The following NALCN variants were observed in gnomAD, a reference collection of about 807,000 sequenced individuals.
NALCN encodes the protein sodium leak channel NALCN.
Under a neutral mutation model 225.3 loss-of-function variants are expected in NALCN, and 111 were observed. The observed-to-expected ratio is 0.49, with a 90% confidence interval of 0.42 to 0.58. The LOEUF (loss-of-function observed/expected upper bound fraction) is 0.58, where lower values mean the gene tolerates loss of function less well. Ranked by LOEUF, NALCN falls within the 20% of genes least tolerant of loss-of-function variation. NALCN has a pLI of 0.00. For missense variants in NALCN, 1,378 were observed against 2,202.4 expected, an observed-to-expected ratio of 0.63 and a Z score of 7.49; for synonymous variants, 764 against 769.0, an observed-to-expected ratio of 0.99 and a Z score of 0.11.
At chr13:101,225,988 C>T (rs1055931196) in intron 13 of NALCN, among the ~76,000 whole-genome samples, 4 of 152,124 alleles carry the variant, frequency 2.6e-5, no homozygotes, top group Admixed American at 1.3e-4. Flanking sequence ...CCAAAGAACC[C>T]TCTGACCCTC....
At chr13:101,101,284 T>TC (rs1555381282) in intron 26 of NALCN, among the ~76,000 whole-genome samples, 1 of 140,396 alleles carries the variant, frequency 7.1e-6, no homozygotes, top group African/African-American at 2.6e-5. Flanking sequence ...TTTTTTTCTT[T>TC]TTTTTTTTTT....
chr13:101,278,871 T>G (rs1159016210), intron 10 of NALCN, among the ~76,000 whole-genome samples: 1 of 152,184 alleles, frequency 6.6e-6, no homozygotes, highest in Non-Finnish European at 1.5e-5. Context: ...ATTGCCACAG[T>G]CTATTCAATT....
chr13:101,130,864 T>C (rs975610628), intron 17 of NALCN, among the ~76,000 whole-genome samples: 16 of 152,194 alleles, frequency 1.1e-4, no homozygotes, highest in African/African-American at 3.6e-4. Context: ...GCTGTCAATA[T>C]ATAGTTTCAT....
At chr13:101,068,552 T>C in intron 38 of NALCN, 143 bp downstream of exon 38, 8 of 860,604 alleles carry the variant, frequency 9.3e-6, no homozygotes, top group Non-Finnish European at 1.3e-5. Flanking sequence ...TCTTTTCAGC[T>C]TCTGGATTGA....
chr13:101,376,672 T>C (rs992491016), intron 6 of NALCN, 28 bp downstream of exon 6: 1 of 1,571,326 alleles, frequency 6.4e-7, no homozygotes, highest in African/African-American at 1.4e-5. Flanking sequence ...ATCAACTAGA[T>C]TAAAATGCAG....
At chr13:101,250,017 C>T (rs2042015454) in intron 11 of NALCN, among the ~76,000 whole-genome samples, 1 of 151,908 alleles carries the variant, frequency 6.6e-6, no homozygotes, top group Non-Finnish European at 1.5e-5. Context: ...CACAAACAAC[C>T]AATTGTAGTA....
intron 16 of NALCN, 96 bp from the exon 17 acceptor site, chr13:101,143,317 G>A: frequency 7.7e-7 from 1 of 1,294,904 alleles, no homozygotes; most frequent in East Asian, 2.4e-5. Flanking sequence ...CAAAGATAAA[G>A]CAGTGATAAA....
At chr13:101,263,487 C>T (rs9518361) in intron 10 of NALCN, among the ~76,000 whole-genome samples, 42,727 of 152,086 alleles carry the variant, frequency 0.28, 7,118 homozygotes, top group Non-Finnish European at 0.38. Flanking sequence ...GGCAGAAAAG[C>T]CACAACTTTC....
rs574813553 is a variant in NALCN at position 101,207,714 on chromosome 13, C to T, written c.1627-15660G>A. 2.2e-3 allele frequency among the ~76,000 whole-genome samples: 332 copies of T among 150,020 alleles called. 2 individuals carry two copies. The highest frequency in any genetic ancestry group is 7.8e-3 in the African/African-American group (307 of 39,442). On this transcript the variant is annotated intron_variant, in intron 13 of 43. Coordinates refer to ENST00000251127, the MANE Select transcript of NALCN (RefSeq NM_052867.4). ...GCACTCTGTAAAATGGACCAATCAG[C>T]GCTCTGTAAAATGGACCAATCAGCA...
intron 15 of NALCN, among the ~76,000 whole-genome samples, chr13:101,166,178 T>C (rs987800792): frequency 1.3e-5 from 2 of 152,252 alleles, no homozygotes; most frequent in African/African-American, 4.8e-5. Context: ...TTCCACCTTC[T>C]GTTATTGTGA....
rs188003100 is a variant in NALCN at position 101,402,281 on chromosome 13, G to A, written c.-39-3116C>T. On this transcript the variant is annotated intron_variant, in intron 1 of 43. Transcript: ENST00000251127. ...GTTGGTATTTAAATAGTTCAATATC[G>A]GGAGAGAGGCTACACAGTCACAATG... 7.9e-5 allele frequency among the ~76,000 whole-genome samples: 12 copies of A among 152,140 alleles called. No homozygotes were observed. In the East Asian group the frequency reaches 2.1e-3, roughly 27 times the overall value.
chr13:101,172,734 G>GT (rs2139922142), intron 15 of NALCN, among the ~76,000 whole-genome samples: 1 of 139,418 alleles, frequency 7.2e-6, no homozygotes, highest in Non-Finnish European at 1.7e-5. Flanking sequence ...TAATTTTTTT[G>GT]TTTTTCGTAT....
intron 7 of NALCN, among the ~76,000 whole-genome samples, chr13:101,333,290 A>T (rs2045251492): frequency 6.6e-6 from 1 of 152,212 alleles, no homozygotes; most frequent in Admixed American, 6.5e-5. Context: ...TATATTTATT[A>T]GCCATTCATG....
In NALCN at chr13:101,319,575, T is replaced by C. The variant is rs547705140; in HGVS notation, c.799+25691A>G. Reference sequence around the variant, plus strand: ...TTAGAAGATACGTAAACCATGATTTTGAAGTGATTTTTTTGGTACATACGT... The same window carrying C: ...TTAGAAGATACGTAAACCATGATTTCGAAGTGATTTTTTTGGTACATACGT... On this transcript the variant is annotated intron_variant, in intron 7 of 43. Coordinates refer to ENST00000251127, the MANE Select transcript of NALCN (RefSeq NM_052867.4). Among the ~76,000 whole-genome samples the C allele has an allele frequency of 5.3e-5, 8 of 152,316 alleles. No homozygotes were observed. In the South Asian group the frequency reaches 1.4e-3, roughly 28 times the overall value.
At chr13:101,101,242 T>G (rs1350350357) in intron 26 of NALCN, among the ~76,000 whole-genome samples, 1 of 151,404 alleles carries the variant, frequency 6.6e-6, no homozygotes, top group Non-Finnish European at 1.5e-5. Context: ...ATTTTGTCTA[T>G]TTTTTCCCAA....
intron 15 of NALCN, among the ~76,000 whole-genome samples, chr13:101,175,525 C>A (rs193186341): frequency 1.6e-3 from 240 of 152,252 alleles, no homozygotes; most frequent in African/African-American, 5.6e-3. Flanking sequence ...TTATAACATT[C>A]TAACAGTTGG....
intron 39 of NALCN, among the ~76,000 whole-genome samples, chr13:101,066,096 C>A (rs755082871): frequency 6.6e-6 from 1 of 152,028 alleles, no homozygotes; most frequent in Admixed American, 6.6e-5. Flanking sequence ...GAGGCCGAGG[C>A]GGGTGGATCA....
At chr13:101,124,870 C>A (rs1335340383) in intron 17 of NALCN, among the ~76,000 whole-genome samples, 189 bp from the exon 18 acceptor site, 1 of 152,118 alleles carries the variant, frequency 6.6e-6, no homozygotes, top group Admixed American at 6.5e-5. Flanking sequence ...ACTTGTGGGG[C>A]CCCACGTCCC....
chr13:101,177,485 A>G (rs12869357), intron 14 of NALCN, among the ~76,000 whole-genome samples: 34,428 of 146,448 alleles, frequency 0.24, 4,782 homozygotes, highest in Non-Finnish European at 0.32. Flanking sequence ...TGCTTGAAGG[A>G]GGTACTTTAG....
Sources: gnomAD v4.1 joint callset for allele counts (sites outside exome capture counted in the v4.1 genomes callset) on GRCh38, gnomAD v4.1.1 for gene constraint, MANE v1.5 for transcripts, NCBI Gene and HGNC (gene_info 2026-07-23, HGNC 2026-07-21) for gene names.